The following KAZN variants were observed in gnomAD, a reference collection of about 807,000 sequenced individuals.
The protein encoded by KAZN is kazrin.
In KAZN, 40 loss-of-function variants were observed where a neutral mutation model predicts 87.4. That is an observed-to-expected ratio of 0.46 (90% CI 0.36 to 0.60). KAZN has a LOEUF of 0.60. Among genes scored for constraint, KAZN ranks in the 20% least tolerant of loss-of-function variants. The pLI, the probability that KAZN is intolerant of heterozygous loss-of-function variation, is 0.00. For missense variants in KAZN, 898 were observed against 1,073.9 expected, an observed-to-expected ratio of 0.84 and a Z score of 2.29; for synonymous variants, 466 against 458.3, an observed-to-expected ratio of 1.02 and a Z score of -0.22.
At chr1:14,550,740 C>CT (rs1673460675) in intron 2 of KAZN, among the ~76,000 whole-genome samples, 5 of 40,562 alleles carry the variant, frequency 1.2e-4, no homozygotes, top group African/African-American at 3.5e-4. Context: ...TCTCTCTCTC[C>CT]CCCACCCCGC....
chr1:13,989,096 A>G (rs1020017922), intron 1 of KAZN, among the ~76,000 whole-genome samples: 10 of 152,118 alleles, frequency 6.6e-5, no homozygotes, highest in African/African-American at 2.4e-4. Flanking sequence ...GAGAGAGAAA[A>G]GGGGACTGAA....
intron 1 of KAZN, among the ~76,000 whole-genome samples, chr1:14,880,841 A>G (rs1277076051): frequency 6.6e-6 from 1 of 152,214 alleles, no homozygotes; most frequent in East Asian, 1.9e-4. Context: ...GTCACATGGC[A>G]TCACATCTGC....
intron 1 of KAZN, among the ~76,000 whole-genome samples, chr1:14,707,940 C>T (rs1217792057): frequency 6.6e-6 from 1 of 152,162 alleles, no homozygotes; most frequent in African/African-American, 2.4e-5. Context: ...CCTTCCTTCA[C>T]GGAGTTTGCA....
intron 14 of KAZN, chr1:15,113,028 CAT>C (rs1641708830): frequency 1.2e-5 from 2 of 163,424 alleles, no homozygotes; most frequent in South Asian, 1.7e-4. Flanking sequence ...AGTATGAAAA[CAT>C]GTGCAGTTCA....
chr1:14,409,293 C>G (rs546821265), intron 2 of KAZN, among the ~76,000 whole-genome samples: 42 of 152,222 alleles, frequency 2.8e-4, no homozygotes, highest in South Asian at 2.5e-3. Context: ...TGGAAAGGTA[C>G]AGAGATTGAT....
At chr1:14,572,250 TTGATGCAGATTAA>T (rs1434103888) in intron 2 of KAZN, among the ~76,000 whole-genome samples, 1 of 152,198 alleles carries the variant, frequency 6.6e-6, no homozygotes, top group Non-Finnish European at 1.5e-5. Context: ...TTCATATTTC[TTGATGCAGATTAA>T]TGATGCAGAG....
At chr1:14,301,748 T>G (rs1325701534) in intron 2 of KAZN, among the ~76,000 whole-genome samples, 1 of 152,188 alleles carries the variant, frequency 6.6e-6, no homozygotes, top group Admixed American at 6.5e-5. Context: ...GGGAGGCAGG[T>G]CCTAGCTGTG....
Position 14,299,180 on chromosome 1 carries a change from G to C in KAZN, c.249+118588G>C, listed in dbSNP as rs1316482300. The stretch of plus-strand genomic sequence containing the variant: ...TCTCATGGAATTTACAACCTGGTGG[G>C]GGAAACAGATAAGAAACGAAACAAA... On this transcript the variant is annotated intron_variant, in intron 2 of 16. Coordinates refer to the KAZN transcript ENST00000636203. Among the ~76,000 whole-genome samples, 11 of 152,130 alleles carry C rather than the reference G, an allele frequency of 7.2e-5. No individual in the cohort carries two copies. The East Asian group carries it at 2.1e-3, about 29-fold the overall frequency.
chr1:14,242,419 T>C (rs1649051855), intron 2 of KAZN, among the ~76,000 whole-genome samples: 1 of 152,046 alleles, frequency 6.6e-6, no homozygotes, highest in South Asian at 2.1e-4. Context: ...TTCCAGCAAA[T>C]GTGCTCACCA....
intron 2 of KAZN, among the ~76,000 whole-genome samples, chr1:14,539,492 T>C (rs1012923934): frequency 8.5e-5 from 13 of 152,138 alleles, no homozygotes; most frequent in African/African-American, 3.1e-4. Flanking sequence ...GATACTAACA[T>C]TGGGGGAGAC....
Position 14,380,400 on chromosome 1 carries a change from C to T in KAZN, c.249+199808C>T, listed in dbSNP as rs1661268658. ...GACACCAGGAACCTATTTGAAGAAA[C>T]AGAGATATGTGACCTTTCCAAGAAT... On this transcript the variant is annotated intron_variant, in intron 2 of 16. Coordinates refer to the KAZN transcript ENST00000636203. 2.0e-5 allele frequency among the ~76,000 whole-genome samples: 3 copies of T among 152,186 alleles called. No homozygotes were observed. In the South Asian group the frequency reaches 6.2e-4, roughly 32 times the overall value.
At chr1:14,888,515 C>T (rs972312820) in intron 1 of KAZN, among the ~76,000 whole-genome samples, 2 of 152,174 alleles carry the variant, frequency 1.3e-5, no homozygotes, top group African/African-American at 4.8e-5. Flanking sequence ...TGGAAGGGGG[C>T]CACTTCGACC....
chr1:13,988,850 T>G (rs942548147), intron 1 of KAZN, among the ~76,000 whole-genome samples: 2 of 152,198 alleles, frequency 1.3e-5, no homozygotes, highest in Non-Finnish European at 2.9e-5. Context: ...AAAAATACAC[T>G]TGTGAAAACA....
chr1:14,296,605 A>C (rs908372613), intron 2 of KAZN, among the ~76,000 whole-genome samples: 1 of 146,250 alleles, frequency 6.8e-6, no homozygotes, highest in Non-Finnish European at 1.5e-5. Context: ...TTTTGGCATA[A>C]TGTAGGGCTG....
intron 1 of KAZN, among the ~76,000 whole-genome samples, chr1:14,750,085 T>C (rs1205284425): frequency 6.6e-6 from 1 of 152,148 alleles, no homozygotes; most frequent in Non-Finnish European, 1.5e-5. Flanking sequence ...TTCTTGGTTT[T>C]GATACTGTGG....
At chr1:14,725,665 G>A (rs1643345540) in intron 1 of KAZN, among the ~76,000 whole-genome samples, 1 of 152,158 alleles carries the variant, frequency 6.6e-6, no homozygotes. Flanking sequence ...GTGAGGTTGA[G>A]TCGGGACTCA....
chr1:14,482,638 G>T (rs569418431), intron 2 of KAZN, among the ~76,000 whole-genome samples: 1 of 152,288 alleles, frequency 6.6e-6, no homozygotes, highest in Non-Finnish European at 1.5e-5. Context: ...ATTAGAAAGG[G>T]AGGGAGTTGG....
At chr1:14,010,999 T>C (rs1228469746) in intron 1 of KAZN, among the ~76,000 whole-genome samples, 2 of 152,036 alleles carry the variant, frequency 1.3e-5, no homozygotes, top group African/African-American at 4.8e-5. Flanking sequence ...CTCCCCTATT[T>C]CCTCTCCTTA....
intron 1 of KAZN, among the ~76,000 whole-genome samples, chr1:13,955,587 A>G (rs1641515585): frequency 6.6e-6 from 1 of 151,938 alleles, no homozygotes; most frequent in African/African-American, 2.4e-5. Flanking sequence ...TATGGCCCAA[A>G]CTCTTCACAA....
Sources: allele counts gnomAD v4.1 joint callset (sites outside exome capture counted in the v4.1 genomes callset), GRCh38; gene constraint gnomAD v4.1.1; transcripts MANE v1.5; gene names NCBI Gene and HGNC (gene_info 2026-07-23, HGNC 2026-07-21).